The following ST6GALNAC5 variants were observed in gnomAD, a reference collection of about 807,000 sequenced individuals.
The protein encoded by ST6GALNAC5 is ST6 N-acetylgalactosaminide alpha-2,6-sialyltransferase 5.
ST6GALNAC5 carries 27 observed loss-of-function variants against 33.6 expected under a neutral mutation model. The observed-to-expected ratio is 0.80, with a 90% CI of 0.59 to 1.11. The LOEUF (loss-of-function observed/expected upper bound fraction) is 1.11, where lower values mean the gene tolerates loss of function less well. Ranked by LOEUF, ST6GALNAC5 falls within the 50% of genes least tolerant of loss-of-function variation. The pLI is 0.00. For synonymous variants in ST6GALNAC5, 194 were observed against 171.2 expected, an observed-to-expected ratio of 1.13 and a Z score of -1.04; for missense variants, 428 against 454.0, an observed-to-expected ratio of 0.94 and a Z score of 0.52.
intron 2 of ST6GALNAC5, among the ~76,000 whole-genome samples, chr1:76,963,262 C>G (rs1227815913): frequency 6.6e-6 from 1 of 152,158 alleles, no homozygotes; most frequent in African/African-American, 2.4e-5. Context: ...GAAAATAAAT[C>G]AAATTTAACA....
intron 2 of ST6GALNAC5, among the ~76,000 whole-genome samples, chr1:76,935,837 A>G (rs966646944): frequency 4.6e-5 from 7 of 152,052 alleles, no homozygotes; most frequent in African/African-American, 1.7e-4. Flanking sequence ...AAGTCCAGAC[A>G]CTTTCTAGCC....
intron 2 of ST6GALNAC5, among the ~76,000 whole-genome samples, chr1:76,914,984 C>T (rs1193170536): frequency 1.3e-5 from 2 of 150,542 alleles, no homozygotes; most frequent in Non-Finnish European, 3.0e-5. Flanking sequence ...TGAACTCAAA[C>T]AAATTTACAA....
intron 2 of ST6GALNAC5, among the ~76,000 whole-genome samples, chr1:76,904,716 T>C (rs1646849342): frequency 6.6e-6 from 1 of 151,982 alleles, no homozygotes; most frequent in African/African-American, 2.4e-5. Context: ...TCCCAGCTAC[T>C]TGGGAGGCTG....
chr1:76,979,932 A>G (rs1649179757), intron 2 of ST6GALNAC5, among the ~76,000 whole-genome samples: 1 of 152,060 alleles, frequency 6.6e-6, no homozygotes, highest in East Asian at 1.9e-4. Flanking sequence ...ATAGAGTGAG[A>G]CTCTGTCTCC....
intron 2 of ST6GALNAC5, among the ~76,000 whole-genome samples, chr1:77,012,987 C>T (rs1289984695): frequency 6.6e-6 from 1 of 152,092 alleles, no homozygotes; most frequent in Admixed American, 6.5e-5. Context: ...TGCAAAAAAG[C>T]CCCCAAAGAA....
chr1:77,019,479 A>G (rs1650974828), intron 2 of ST6GALNAC5, among the ~76,000 whole-genome samples: 1 of 152,214 alleles, frequency 6.6e-6, no homozygotes, highest in South Asian at 2.1e-4. Context: ...TTCATTGCTG[A>G]AGGGAAGTGG....
At chr1:77,010,426 CAG>C (rs1158952351) in intron 2 of ST6GALNAC5, among the ~76,000 whole-genome samples, 1 of 152,090 alleles carries the variant, frequency 6.6e-6, no homozygotes, top group Non-Finnish European at 1.5e-5. Context: ...GCCTGGGAGA[CAG>C]AGGTTGCAGT....
intron 2 of ST6GALNAC5, among the ~76,000 whole-genome samples, chr1:76,919,079 G>C (rs1647005010): frequency 6.6e-6 from 1 of 152,050 alleles, no homozygotes; most frequent in African/African-American, 2.4e-5. Flanking sequence ...TTTCTGAACT[G>C]GATAACTGCC....
At position 77,063,346 on chromosome 1, in the gene ST6GALNAC5, A is replaced by G. The variant is rs1274654818; in HGVS notation, c.*140A>G. 5.6e-6 allele frequency: 4 copies of G among 708,794 alleles called. No individual in the cohort carries two copies. The Admixed American group carries it at 8.4e-5, about 15-fold the overall frequency. The allele number at this position is 708,794 out of a possible 1,614,324, so 43.9% of individuals were successfully genotyped here. Reference sequence around the variant, plus strand: ...GAAGTACCATGGACAGACGCCTACCAGGGGTGACAAAGCAGTGCAGTTGGA... The same window carrying G: ...GAAGTACCATGGACAGACGCCTACCGGGGGTGACAAAGCAGTGCAGTTGGA... On this transcript the variant is annotated 3_prime_UTR_variant, in exon 5 of 5. Transcript: ENST00000477717.
At chr1:76,919,452 C>T (rs1217640112) in intron 2 of ST6GALNAC5, among the ~76,000 whole-genome samples, 2 of 152,160 alleles carry the variant, frequency 1.3e-5, no homozygotes, top group African/African-American at 4.8e-5. Flanking sequence ...TCGATTTAGT[C>T]TTCAAGGCAT....
chr1:77,057,842 G>A (rs1652450641), intron 4 of ST6GALNAC5, among the ~76,000 whole-genome samples: 1 of 152,138 alleles, frequency 6.6e-6, no homozygotes, highest in African/African-American at 2.4e-5. Context: ...TCCCTTGCTT[G>A]TTAGGGTTAT....
chr1:76,927,529 T>C (rs1226045946), intron 2 of ST6GALNAC5, among the ~76,000 whole-genome samples: 2 of 151,988 alleles, frequency 1.3e-5, no homozygotes, highest in Non-Finnish European at 2.9e-5. Context: ...TTGAAAAAAA[T>C]GAAGAGAGGC....
chr1:76,937,823 ACT>A (rs1647227843), intron 2 of ST6GALNAC5, among the ~76,000 whole-genome samples: 1 of 152,062 alleles, frequency 6.6e-6, no homozygotes, highest in South Asian at 2.1e-4. Flanking sequence ...AGAGAACAGA[ACT>A]CTCTGTATTC....
At position 76,868,469 on chromosome 1, in the gene ST6GALNAC5, T is replaced by C. The variant is rs762510265; in HGVS notation, c.16-28T>C. The C allele has an allele frequency of 5.7e-6, 9 of 1,586,898 alleles. No individual in the cohort carries two copies. In the African/African-American group the frequency reaches 1.1e-4, roughly 19 times the overall value. On this transcript the variant is annotated intron_variant, in intron 1 of 4. Coordinates refer to ENST00000477717, the MANE Select transcript of ST6GALNAC5 (RefSeq NM_030965.3). The surrounding 1 kb of genome is among the most constrained non-coding windows in gnomAD (Gnocchi z 4.3). ...CTCCGGTGTCTGCGCTCAGCCGCTC[T>C]CCTCTTCTCTCTCCCGCCCGCCCGC...
intron 2 of ST6GALNAC5, among the ~76,000 whole-genome samples, chr1:76,944,936 A>G (rs1038096513): frequency 6.6e-6 from 1 of 152,058 alleles, no homozygotes; most frequent in African/African-American, 2.4e-5. Context: ...ATATTTTGAG[A>G]AATAAGGGGT....
At chr1:76,926,064 A>C (rs1227865704) in intron 2 of ST6GALNAC5, among the ~76,000 whole-genome samples, 1 of 152,196 alleles carries the variant, frequency 6.6e-6, no homozygotes, top group Non-Finnish European at 1.5e-5. Flanking sequence ...AAAACTGAGC[A>C]AATGGATCTG....
chr1:76,977,835 T>G (rs1649073881), intron 2 of ST6GALNAC5, among the ~76,000 whole-genome samples: 1 of 152,230 alleles, frequency 6.6e-6, no homozygotes, highest in Non-Finnish European at 1.5e-5. Context: ...CCTTTGGATA[T>G]ATATAATAAT....
chr1:77,030,657 A>G (rs770748216), intron 2 of ST6GALNAC5, among the ~76,000 whole-genome samples: 2 of 152,260 alleles, frequency 1.3e-5, no homozygotes, highest in African/African-American at 2.4e-5. Flanking sequence ...CCAAGAGGTT[A>G]TAGATCTACT....
At chr1:77,057,312 A>G (rs1419846916) in intron 4 of ST6GALNAC5, among the ~76,000 whole-genome samples, 1 of 152,238 alleles carries the variant, frequency 6.6e-6, no homozygotes, top group Non-Finnish European at 1.5e-5. Context: ...TTCCTCATCC[A>G]TCATAGGTTC....
Sources: allele counts gnomAD v4.1 joint callset (sites outside exome capture counted in the v4.1 genomes callset), GRCh38; gene constraint gnomAD v4.1.1; non-coding constraint Gnocchi (gnomAD v3.1); transcripts MANE v1.5; gene names NCBI Gene and HGNC (gene_info 2026-07-23, HGNC 2026-07-21).